Variants in FIRRM observed in about 807,000 individuals in gnomAD.
FIRRM encodes FIGNL1-interacting regulator of recombination and mitosis.
At chr1:169,853,038 T>TTA in the FIRRM span, 5 of 1,564,088 alleles carry the variant, frequency 3.2e-6, no homozygotes, top group Non-Finnish European at 4.4e-6. Context: ...CTGAAAATAC[T>TTA]TATGTCTGTA....
At chr1:169,803,936 ATATT>A in the FIRRM span, 4 of 477,688 alleles carry the variant, frequency 8.4e-6, no homozygotes, top group East Asian at 1.0e-4. Context: ...GAAGCACACT[ATATT>A]TAATGGATGT....
the FIRRM span, among the ~76,000 whole-genome samples, chr1:169,811,349 A>C: frequency 2.6e-5 from 4 of 152,186 alleles, no homozygotes; most frequent in East Asian, 7.7e-4. Flanking sequence ...GCTATATTTA[A>C]ATTTTATTAG....
At chr1:169,843,902 A>G in the FIRRM span, 3 of 618,044 alleles carry the variant, frequency 4.9e-6, no homozygotes, top group Non-Finnish European at 8.6e-6. Flanking sequence ...TGTCTTCATC[A>G]AGGATATCTC....
the FIRRM span, among the ~76,000 whole-genome samples, chr1:169,828,635 A>G: frequency 1.3e-5 from 2 of 151,968 alleles, no homozygotes; most frequent in African/African-American, 4.8e-5. Context: ...TGCAGCCTCA[A>G]CTTCCTGGGC....
the FIRRM span, among the ~76,000 whole-genome samples, chr1:169,811,827 A>G: frequency 6.7e-6 from 1 of 149,634 alleles, no homozygotes; most frequent in Non-Finnish European, 1.5e-5. Flanking sequence ...TTATCTATCT[A>G]AATAGATAAT....
chr1:169,853,543 G>GCACT, the FIRRM span: 1 of 666,650 alleles, frequency 1.5e-6, no homozygotes, highest in African/African-American at 1.8e-5. Context: ...CTTTTAGCCA[G>GCACT]CACTCACAGT....
At chr1:169,853,731 C>A in the FIRRM span, 1 of 1,613,566 alleles carries the variant, frequency 6.2e-7, no homozygotes, top group Non-Finnish European at 8.5e-7. Context: ...TATTATCTTC[C>A]CAGTTCAGCT....
At chr1:169,817,354 G>A in the FIRRM span, among the ~76,000 whole-genome samples, 1 of 152,202 alleles carries the variant, frequency 6.6e-6, no homozygotes, top group Non-Finnish European at 1.5e-5. Flanking sequence ...ACAATTGTCT[G>A]TGGATGACAA....
chr1:169,844,663 TAAAG>T, the FIRRM span, among the ~76,000 whole-genome samples: 1 of 152,222 alleles, frequency 6.6e-6, no homozygotes, highest in African/African-American at 2.4e-5. Flanking sequence ...TACTAAGTTA[TAAAG>T]AGTCAGAATA....
At chr1:169,795,180 C>T in the FIRRM span, 1 of 1,536,118 alleles carries the variant, frequency 6.5e-7, no homozygotes, top group South Asian at 1.2e-5. Context: ...AGCTATGCCG[C>T]CGGGAACTGC....
the FIRRM span, among the ~76,000 whole-genome samples, chr1:169,798,592 A>T: frequency 3.5e-4 from 53 of 152,268 alleles, no homozygotes; most frequent in Non-Finnish European, 6.0e-4. Context: ...TCTCTAAAAA[A>T]AAATAAATAA....
At chr1:169,822,994 G>A in the FIRRM span, among the ~76,000 whole-genome samples, 124 of 151,946 alleles carry the variant, frequency 8.2e-4, no homozygotes, top group African/African-American at 2.8e-3. Flanking sequence ...GCTCATGCCT[G>A]TAATCCCAGC....
the FIRRM span, chr1:169,829,145 A>G: frequency 2.3e-6 from 2 of 877,690 alleles, no homozygotes; most frequent in Non-Finnish European, 3.3e-6. Context: ...ACTATTGCTG[A>G]TTATACCTCT....
the FIRRM span, chr1:169,852,928 A>G: frequency 6.2e-7 from 1 of 1,614,200 alleles, no homozygotes; most frequent in Non-Finnish European, 8.5e-7. Context: ...TTCAATGGAA[A>G]TGGAGGCGCT....
the FIRRM span, among the ~76,000 whole-genome samples, chr1:169,815,679 T>C: frequency 6.6e-6 from 1 of 152,182 alleles, no homozygotes; most frequent in African/African-American, 2.4e-5. Flanking sequence ...AGCAAGGTCT[T>C]TGTGACCTGT....
At chr1:169,788,168 T>C in the FIRRM span, among the ~76,000 whole-genome samples, 4 of 152,220 alleles carry the variant, frequency 2.6e-5, no homozygotes, top group Non-Finnish European at 5.9e-5. Flanking sequence ...TTGTAAAGGC[T>C]TAAAATATAT....
the FIRRM span, among the ~76,000 whole-genome samples, chr1:169,834,311 A>C: frequency 2.0e-5 from 3 of 152,210 alleles, no homozygotes; most frequent in Admixed American, 2.0e-4. Context: ...AAAATTTAAG[A>C]AAACCTGAAT....
chr1:169,794,833 C>T, the FIRRM span: 2 of 452,490 alleles, frequency 4.4e-6, no homozygotes, highest in Non-Finnish European at 8.1e-6. Flanking sequence ...GCTTGCTTCC[C>T]GACGTGTCCT....
At chr1:169,820,638 C>T in the FIRRM span, among the ~76,000 whole-genome samples, 2 of 152,160 alleles carry the variant, frequency 1.3e-5, no homozygotes, top group African/African-American at 4.8e-5. Context: ...CGTTTAAACC[C>T]ACCCTGTCTT....
Sources: allele counts gnomAD v4.1 joint callset (sites outside exome capture counted in the v4.1 genomes callset), GRCh38; gene constraint gnomAD v4.1.1; transcripts MANE v1.5; gene names NCBI Gene and HGNC (gene_info 2026-07-23, HGNC 2026-07-21).